The following PAICS variants were observed in gnomAD, a reference collection of about 807,000 sequenced individuals.
The protein encoded by PAICS is phosphoribosylaminoimidazole carboxylase and phosphoribosylaminoimidazolesuccinocarboxamide synthase, also known as bifunctional phosphoribosylaminoimidazole carboxylase/phosphoribosylaminoimidazole succinocarboxamide synthetase.
A neutral mutation model predicts 53.7 loss-of-function variants in PAICS; 33 were observed. That is an observed-to-expected ratio of 0.61 (90% confidence interval 0.47 to 0.82). The LOEUF is 0.82. Ranked by LOEUF, PAICS falls within the 40% of genes least tolerant of loss-of-function variation. The pLI, the probability that PAICS is intolerant of heterozygous loss-of-function variation, is 0.00. For synonymous variants in PAICS, 141 were observed against 167.2 expected, an observed-to-expected ratio of 0.84 and a Z score of 1.21; for missense variants, 394 against 494.1, an observed-to-expected ratio of 0.80 and a Z score of 1.92.
chr4:56,450,929 T>G, intron 6 of PAICS: 1 of 362,656 alleles, frequency 2.8e-6, no homozygotes, highest in Non-Finnish European at 5.1e-6. Context: ...GCCATTCTCC[T>G]AGCTCAGCCT....
chr4:56,410,924 A>T, the PAICS span: 1 of 901,336 alleles, frequency 1.1e-6, no homozygotes, highest in Non-Finnish European at 1.3e-6. Context: ...AAAAAAAAAA[A>T]AAAAGAAAAG....
intron 1 of PAICS, among the ~76,000 whole-genome samples, chr4:56,438,718 C>T (rs927417423): frequency 1.3e-4 from 20 of 152,024 alleles, no homozygotes; most frequent in Non-Finnish European, 2.4e-4. Flanking sequence ...GGATTACAGG[C>T]GTGAGCCCAT....
In PAICS at chr4:56,441,871, C is replaced by A; in HGVS notation, c.214+11C>A. The A allele has an allele frequency of 6.4e-7, 1 of 1,558,690 alleles. No individual in the cohort carries two copies. The highest frequency in any genetic ancestry group is 8.7e-7 in the Non-Finnish European group (1 of 1,145,632). ...TATTACAGGAAGCAGGTAAGCAGCT[C>A]CCTCAAAGTCTCTTCTCTCACCTTC... On this transcript the variant is annotated intron_variant, in intron 2 of 8. Transcript: ENST00000512576.
chr4:56,456,661 A>G (rs1299102498), intron 8 of PAICS, among the ~76,000 whole-genome samples: 1 of 147,968 alleles, frequency 6.8e-6, no homozygotes, highest in African/African-American at 2.5e-5. Context: ...TTCCCACCTC[A>G]GCCTCCCAAA....
At chr4:56,428,126 CAT>C in the PAICS span, among the ~76,000 whole-genome samples, 1 of 152,162 alleles carries the variant, frequency 6.6e-6, no homozygotes, top group East Asian at 1.9e-4. Flanking sequence ...TCTTTTGACT[CAT>C]ATTGAAGTTA....
the PAICS span, among the ~76,000 whole-genome samples, chr4:56,411,557 A>G: frequency 1.3e-5 from 2 of 152,166 alleles, no homozygotes; most frequent in African/African-American, 4.8e-5. Flanking sequence ...GAATCTACTC[A>G]TTGTCTGTGG....
intron 2 of PAICS, among the ~76,000 whole-genome samples, chr4:56,444,922 A>C (rs1718528189): frequency 6.6e-6 from 1 of 152,174 alleles, no homozygotes; most frequent in Admixed American, 6.5e-5. Context: ...CTAAGAGAGA[A>C]GAGCTCTTGA....
At chr4:56,418,947 G>T in the PAICS span, among the ~76,000 whole-genome samples, 2 of 152,176 alleles carry the variant, frequency 1.3e-5, no homozygotes, top group Non-Finnish European at 2.9e-5. Context: ...ACCATTAAAA[G>T]AAAATACTTC....
At chr4:56,436,401 C>A (rs1717963300) in intron 1 of PAICS, 73 bp downstream of exon 1, 2 of 1,197,112 alleles carry the variant, frequency 1.7e-6, no homozygotes, top group African/African-American at 1.5e-5. Context: ...CACGTGCGAG[C>A]CGCGAAACTC....
At chr4:56,435,695 G>C (rs777374484), upstream of PAICS, 313 of 1,459,392 alleles carry the variant, frequency 2.1e-4, no homozygotes, top group Non-Finnish European at 2.3e-4. Flanking sequence ...ACGAGCGAGG[G>C]CGGAGGGGCG....
At chr4:56,436,742 C>T (rs1049318767) in intron 1 of PAICS, among the ~76,000 whole-genome samples, 25 of 152,174 alleles carry the variant, frequency 1.6e-4, no homozygotes, top group African/African-American at 5.8e-4. Flanking sequence ...CGCCTGTAAT[C>T]CCAGCACTTT....
At chr4:56,435,546 C>A, upstream of PAICS, 1 of 1,608,078 alleles carries the variant, frequency 6.2e-7, no homozygotes, top group Non-Finnish European at 8.5e-7. Flanking sequence ...CAGCTGCCAG[C>A]TCGGCCCGTC....
At chr4:56,432,470 G>T (rs998592848), upstream of PAICS, among the ~76,000 whole-genome samples, 1 of 147,930 alleles carries the variant, frequency 6.8e-6, no homozygotes, top group Non-Finnish European at 1.5e-5. Context: ...AGGTTGCAAT[G>T]AGCCCAGATC....
At position 56,460,773 on chromosome 4, in the gene PAICS, C is replaced by A. The variant is rs997100102; in HGVS notation, c.*1235C>A. 3.9e-5 allele frequency: 6 copies of A among 152,206 alleles called. No individual in the cohort carries two copies. The highest frequency in any genetic ancestry group is 1.2e-4 in the African/African-American group (5 of 41,412). The allele number at this position is 152,206 out of a possible 1,614,324, so 9.4% of individuals were successfully genotyped here. A position where few individuals can be genotyped will look rare whatever the true frequency, so the allele number is the denominator to read the frequency against. On this transcript the variant is annotated 3_prime_UTR_variant, in exon 9 of 9. Coordinates refer to ENST00000512576, the MANE Select transcript of PAICS (RefSeq NM_001079524.2). ...ATCACTTGAGGTCAGGAGTTTGAGA[C>A]CAGCCTGGCCAACATGGTGAAACCC...
At chr4:56,444,369 A>G (rs1359067424) in intron 2 of PAICS, among the ~76,000 whole-genome samples, 1 of 152,288 alleles carries the variant, frequency 6.6e-6, no homozygotes, top group Non-Finnish European at 1.5e-5. Context: ...TGAAATCCCA[A>G]TTTCCTCACA....
At chr4:56,417,219 G>A in the PAICS span, among the ~76,000 whole-genome samples, 1 of 151,290 alleles carries the variant, frequency 6.6e-6, no homozygotes, top group Non-Finnish European at 1.5e-5. Flanking sequence ...AAACTTATTT[G>A]TAACCCAAAT....
the PAICS span, among the ~76,000 whole-genome samples, chr4:56,418,331 T>A: frequency 6.6e-6 from 1 of 152,142 alleles, no homozygotes; most frequent in Non-Finnish European, 1.5e-5. Context: ...TTATTTTATC[T>A]TATTTTGAGA....
intron 7 of PAICS, among the ~76,000 whole-genome samples, chr4:56,452,394 G>A (rs1718964851): frequency 6.6e-6 from 1 of 152,110 alleles, no homozygotes; most frequent in African/African-American, 2.4e-5. Context: ...TAGCCAGGAT[G>A]GTCTTGACCT....
intron 3 of PAICS, among the ~76,000 whole-genome samples, 194 bp downstream of exon 3, chr4:56,447,067 T>A (rs1718660232): frequency 6.6e-6 from 1 of 150,816 alleles, no homozygotes; most frequent in Admixed American, 6.7e-5. Context: ...AATCAAATTT[T>A]AAAAAGAAAG....
Sources: allele counts gnomAD v4.1 joint callset (sites outside exome capture counted in the v4.1 genomes callset), GRCh38; gene constraint gnomAD v4.1.1; transcripts MANE v1.5; gene names NCBI Gene and HGNC (gene_info 2026-07-23, HGNC 2026-07-21).